Variants in SPINK5 observed in about 807,000 individuals in gnomAD.
SPINK5 encodes the protein serine peptidase inhibitor Kazal type 5, also known as serine protease inhibitor Kazal-type 5.
Under a neutral mutation model 151.8 loss-of-function variants are expected in SPINK5, and 125 were observed. The observed-to-expected ratio is 0.82, with a 90% CI of 0.71 to 0.96. The LOEUF is 0.96. Among genes scored for constraint, SPINK5 ranks in the 40% least tolerant of loss-of-function variants. The probability of loss-of-function intolerance (pLI) is 0.00; values close to 1 mark genes in which losing one functional copy is unlikely to be tolerated. For synonymous variants in SPINK5, 374 were observed against 395.3 expected, an observed-to-expected ratio of 0.95 and a Z score of 0.64; for missense variants, 1,194 against 1,291.9, an observed-to-expected ratio of 0.92 and a Z score of 1.16.
chr5:148,080,706 G>A (rs72652850), intron 4 of SPINK5, among the ~76,000 whole-genome samples: 9,345 of 151,416 alleles, frequency 0.062, 485 homozygotes, highest in East Asian at 0.25. Context: ...TAAAATATAG[G>A]AGGAAAAAAA....
intron 4 of SPINK5, among the ~76,000 whole-genome samples, chr5:148,085,106 G>C (rs1753118241): frequency 6.6e-6 from 1 of 151,718 alleles, no homozygotes. Context: ...AACTTATATG[G>C]CCACTGCTTA....
chr5:148,074,350 A>G (rs760069317), intron 4 of SPINK5, among the ~76,000 whole-genome samples: 9 of 151,480 alleles, frequency 5.9e-5, no homozygotes, highest in Non-Finnish European at 1.0e-4. Context: ...CTCCATTTCC[A>G]TCCCTACCAT....
intron 18 of SPINK5, among the ~76,000 whole-genome samples, chr5:148,110,771 C>T (rs759756958): frequency 6.6e-6 from 1 of 151,844 alleles, no homozygotes; most frequent in Non-Finnish European, 1.5e-5. Flanking sequence ...ATGCAAATAT[C>T]TAATATTAGC....
At chr5:148,118,753 T>G (rs532211762) in intron 23 of SPINK5, among the ~76,000 whole-genome samples, 189 bp downstream of exon 23, 2 of 152,236 alleles carry the variant, frequency 1.3e-5, no homozygotes, top group Non-Finnish European at 2.9e-5. Context: ...ACCAAGTGGC[T>G]GATTTCTATT....
chr5:148,104,757 G>A (rs1753735187), intron 15 of SPINK5, among the ~76,000 whole-genome samples, 195 bp from the exon 16 acceptor site: 1 of 152,098 alleles, frequency 6.6e-6, no homozygotes, highest in African/African-American at 2.4e-5. Flanking sequence ...TTAGCCGAGT[G>A]TGGTGGCATG....
chr5:148,070,957 T>G (rs757388510), intron 3 of SPINK5, among the ~76,000 whole-genome samples: 1 of 152,030 alleles, frequency 6.6e-6, no homozygotes, highest in Non-Finnish European at 1.5e-5. Context: ...TATTCTAGGA[T>G]GAGATGAACT....
chr5:148,095,911 A>T lies in SPINK5; in HGVS notation c.882+6A>T. ...AAGTTAAAAGAGAAATTGTGGTGAG[A>T]ATCAGTTTGATCAATCTAGTTACAA... On this transcript the variant is annotated splice_donor_region_variant and intron_variant, in intron 10 of 32. Transcript: ENST00000256084. 1 of 1,607,598 alleles carries T rather than the reference A, an allele frequency of 6.2e-7. No individual in the cohort carries two copies. The highest frequency in any genetic ancestry group is 8.5e-7 in the Non-Finnish European group (1 of 1,175,468).
chr5:148,074,619 T>C (rs544027376), intron 4 of SPINK5, among the ~76,000 whole-genome samples: 2 of 151,872 alleles, frequency 1.3e-5, no homozygotes, highest in Admixed American at 6.6e-5. Flanking sequence ...TGCATAGATA[T>C]ATGGTTTCCA....
chr5:148,090,875 A>G, intron 7 of SPINK5: 1 of 379,116 alleles, frequency 2.6e-6, no homozygotes, highest in Non-Finnish European at 4.8e-6. Context: ...TACAGAACAA[A>G]GCTTCTAATT....
chr5:148,089,382 T>C, intron 6 of SPINK5, 112 bp from the exon 7 acceptor site: 1 of 1,411,910 alleles, frequency 7.1e-7, no homozygotes. Flanking sequence ...CTGGTACTGC[T>C]CTAAGTGGCC....
intron 4 of SPINK5, among the ~76,000 whole-genome samples, chr5:148,084,564 G>A (rs1481381860): frequency 2.6e-5 from 4 of 151,740 alleles, no homozygotes; most frequent in South Asian, 2.1e-4. Flanking sequence ...TAGTTAGTAC[G>A]TTGCTGTTGA....
chr5:148,067,294 C>A (rs552228063), intron 2 of SPINK5, among the ~76,000 whole-genome samples: 6 of 152,232 alleles, frequency 3.9e-5, no homozygotes, highest in African/African-American at 1.4e-4. Context: ...ACAGGAAGAA[C>A]TTGGCCCTAG....
rs6895434 is a variant in SPINK5 at position 148,131,213 on chromosome 5, T to C, written c.2965-46T>C. 0.6 allele frequency: 972,528 copies of C among 1,609,996 alleles called. 297,878 individuals are homozygous for C. Among genetic ancestry groups the C allele is most frequent in the Admixed American group, 0.71 (42,618 of 59,980 alleles). On this transcript the variant is annotated intron_variant, in intron 30 of 32. Coordinates refer to ENST00000256084, the MANE Select transcript of SPINK5 (RefSeq NM_006846.4). ...GAGGTTTTCTTAAGCCCACCCCTCT[T>C]CTTGAATGCCATAAAGTACGTCTGC...
chr5:148,085,244 T>C (rs1421837691), intron 4 of SPINK5, among the ~76,000 whole-genome samples: 2 of 151,914 alleles, frequency 1.3e-5, no homozygotes, highest in Admixed American at 6.6e-5. Context: ...ATCTTCTGTA[T>C]CCTACTTTTA....
At chr5:148,065,906 C>T (rs980076226) in intron 2 of SPINK5, among the ~76,000 whole-genome samples, 6 of 152,150 alleles carry the variant, frequency 3.9e-5, no homozygotes, top group South Asian at 2.1e-4. Context: ...CTGAAAATTA[C>T]GTTTTAGTGT....
At chr5:148,100,855 C>T (rs1040096518) in intron 13 of SPINK5, among the ~76,000 whole-genome samples, 3 of 152,212 alleles carry the variant, frequency 2.0e-5, no homozygotes, top group East Asian at 1.9e-4. Context: ...AGCTTATCTC[C>T]GTGAATAAAA....
intron 3 of SPINK5, among the ~76,000 whole-genome samples, chr5:148,071,189 A>G (rs544704640): frequency 2.8e-4 from 43 of 152,216 alleles, no homozygotes; most frequent in African/African-American, 9.6e-4. Context: ...CCACTGTCAA[A>G]ACTTCAACAG....
intron 2 of SPINK5, 48 bp from the exon 3 acceptor site, chr5:148,070,275 T>C: frequency 6.2e-7 from 1 of 1,603,428 alleles, no homozygotes; most frequent in Non-Finnish European, 8.5e-7. Flanking sequence ...AAATAAAGCT[T>C]GTTTTGATGT....
chr5:148,131,479 AAATGTGTTGCAAGT>A, intron 31 of SPINK5, 90 bp downstream of exon 31: 1 of 1,559,490 alleles, frequency 6.4e-7, no homozygotes, highest in Non-Finnish European at 8.8e-7. Flanking sequence ...TATAAATTCG[AAATGTGTTGCAAGT>A]AATTTATTCA....
Sources: allele counts gnomAD v4.1 joint callset (sites outside exome capture counted in the v4.1 genomes callset), GRCh38; gene constraint gnomAD v4.1.1; transcripts MANE v1.5; gene names NCBI Gene and HGNC (gene_info 2026-07-23, HGNC 2026-07-21).